Variants in FAF2 observed in about 807,000 individuals in gnomAD.
The protein encoded by FAF2 is FAS-associated factor 2.
A neutral mutation model predicts 62.3 loss-of-function variants in FAF2; 9 were observed. The ratio of observed to expected loss-of-function variants is 0.14; its 90% CI spans 0.09 to 0.25. The LOEUF is 0.25. FAF2 is among the 10% of genes least tolerant of loss of function. The pLI is 1.00. For missense variants in FAF2, 368 were observed against 556.2 expected (o/e 0.66, Z 3.40); for synonymous variants, 202 against 198.0 (o/e 1.02, Z -0.17).
intron 1 of FAF2, 53 bp from the exon 2 acceptor site, chr5:176,479,135 C>A (rs1412159468): frequency 1.4e-6 from 2 of 1,404,032 alleles, no homozygotes; most frequent in Non-Finnish European, 2.0e-6. Context: ...AAAATACTCA[C>A]ACGTATACTG....
chr5:176,470,852 T>C (rs1474031317), intron 1 of FAF2, among the ~76,000 whole-genome samples: 1 of 152,222 alleles, frequency 6.6e-6, no homozygotes, highest in Non-Finnish European at 1.5e-5. Flanking sequence ...TGTTTTTACC[T>C]TCATCTGGCA....
At chr5:176,473,438 C>T (rs1026184417) in intron 1 of FAF2, among the ~76,000 whole-genome samples, 3 of 152,190 alleles carry the variant, frequency 2.0e-5, no homozygotes, top group Non-Finnish European at 4.4e-5. Flanking sequence ...TGCTTTATCA[C>T]TGTCGATGTT....
chr5:176,475,747 G>A (rs1475249139), intron 1 of FAF2, among the ~76,000 whole-genome samples: 1 of 151,242 alleles, frequency 6.6e-6, no homozygotes, highest in African/African-American at 2.4e-5. Flanking sequence ...CAGCCTGGGG[G>A]ACAAGAGCGA....
intron 8 of FAF2, 116 bp from the exon 9 acceptor site, chr5:176,498,798 C>A: frequency 1.0e-6 from 1 of 988,096 alleles, no homozygotes; most frequent in Non-Finnish European, 1.4e-6. Flanking sequence ...AAATCGTCAT[C>A]TGCTAAGAAT....
intron 1 of FAF2, among the ~76,000 whole-genome samples, chr5:176,451,650 T>C (rs1758171483): frequency 6.7e-6 from 1 of 148,952 alleles, no homozygotes; most frequent in South Asian, 2.1e-4. Flanking sequence ...TAGAAATTTA[T>C]ATCCACAACC....
intron 2 of FAF2, among the ~76,000 whole-genome samples, chr5:176,482,320 TA>T (rs1463224078): frequency 6.6e-6 from 1 of 150,636 alleles, no homozygotes; most frequent in African/African-American, 2.4e-5. Context: ...CAGGTTCAAA[TA>T]ATTTTCCTGC....
chr5:176,481,581 C>G, intron 2 of FAF2, among the ~76,000 whole-genome samples: 1 of 151,766 alleles, frequency 6.6e-6, no homozygotes, highest in South Asian at 2.1e-4. Context: ...GACGTGAACT[C>G]GGGAGGCAGA....
At chr5:176,467,279 A>G (rs1410203285) in intron 1 of FAF2, among the ~76,000 whole-genome samples, 1 of 151,880 alleles carries the variant, frequency 6.6e-6, no homozygotes, top group African/African-American at 2.4e-5. Flanking sequence ...ATTGCAGCTA[A>G]TTTGTACAAT....
intron 1 of FAF2, among the ~76,000 whole-genome samples, chr5:176,458,782 C>T (rs1758324637): frequency 6.6e-6 from 1 of 152,146 alleles, no homozygotes; most frequent in Non-Finnish European, 1.5e-5. Flanking sequence ...ACCTCATGGT[C>T]TGACTTCACT....
chr5:176,486,810 T>C (rs1021301879), intron 3 of FAF2, among the ~76,000 whole-genome samples: 1 of 152,226 alleles, frequency 6.6e-6, no homozygotes, highest in Non-Finnish European at 1.5e-5. Flanking sequence ...GGAATCTTTG[T>C]AGGAGCTTTG....
chr5:176,454,577 GAAAAAAAAAAAAAAAAAAAAAAAA>G (rs56324116), intron 1 of FAF2, among the ~76,000 whole-genome samples: 1 of 95,326 alleles, frequency 1.0e-5, no homozygotes, highest in Non-Finnish European at 2.0e-5. Flanking sequence ...GATTCTGTCT[GAAAAAAAAAAAAAAAAAAAAAAAA>G]AAAAAAAAAA....
rs1755483801 is a variant in FAF2, at chr5:176,496,389, G to A, written c.662-97G>A. On this transcript the variant is annotated intron_variant, in intron 7 of 10. Coordinates refer to ENST00000261942, the MANE Select transcript of FAF2 (RefSeq NM_014613.3). Reference sequence around the variant, plus strand: ...GATACCTCTCGTCTTCCCCAACCAGGATTAAAACAGTTCTCTCTCACTCAT... The same window carrying A: ...GATACCTCTCGTCTTCCCCAACCAGAATTAAAACAGTTCTCTCTCACTCAT... 5.1e-6 allele frequency: 5 copies of A among 974,942 alleles called. No individual in the cohort carries two copies. In the South Asian group the frequency reaches 1.2e-4, roughly 24 times the overall value. 60.4% of individuals were successfully genotyped at this position (974,942 alleles called of 1,614,324 possible).
intron 1 of FAF2, among the ~76,000 whole-genome samples, chr5:176,466,931 C>G (rs1321364131): frequency 2.0e-5 from 3 of 150,928 alleles, no homozygotes; most frequent in Non-Finnish European, 4.4e-5. Context: ...ATGCCTTTCT[C>G]CCACTGATAC....
intron 10 of FAF2, among the ~76,000 whole-genome samples, chr5:176,505,261 C>T (rs965799804): frequency 1.3e-5 from 2 of 152,116 alleles, no homozygotes; most frequent in African/African-American, 2.4e-5. Flanking sequence ...GATGGAGAGG[C>T]CACAGAGCAG....
At chr5:176,492,463 G>A in intron 5 of FAF2, 131 bp downstream of exon 5, 2 of 1,023,070 alleles carry the variant, frequency 2.0e-6, no homozygotes, top group African/African-American at 1.7e-5. Flanking sequence ...GCTTATAGGG[G>A]TGGGTAATAA....
At chr5:176,477,481 A>G (rs1758723639) in intron 1 of FAF2, among the ~76,000 whole-genome samples, 1 of 152,104 alleles carries the variant, frequency 6.6e-6, no homozygotes, top group African/African-American at 2.4e-5. Context: ...ACTGAAAGTT[A>G]AGGGGGTCCT....
At chr5:176,496,079 C>T (rs569632758) in intron 7 of FAF2, among the ~76,000 whole-genome samples, 1 of 152,296 alleles carries the variant, frequency 6.6e-6, no homozygotes, top group Admixed American at 6.5e-5. Flanking sequence ...CTGCAGCCTT[C>T]CCTGGCATCA....
rs1259394495 is a variant in FAF2 at position 176,448,479 on chromosome 5, G to T, written c.63+9G>T. 2 of 1,590,918 alleles carry T rather than the reference G, an allele frequency of 1.3e-6. No individual in the cohort carries two copies. The highest frequency in any genetic ancestry group is 1.7e-6 in the Non-Finnish European group (2 of 1,169,034). On this transcript the variant is annotated intron_variant, in intron 1 of 10. Coordinates refer to ENST00000261942, the MANE Select transcript of FAF2 (RefSeq NM_014613.3). Reference sequence around the variant, plus strand: ...AGCTGCTGCAGTTTCAGGTAGCAGCGAGTACTCGGTGCAGCAGATGCCTCC... The same window carrying T: ...AGCTGCTGCAGTTTCAGGTAGCAGCTAGTACTCGGTGCAGCAGATGCCTCC...
At chr5:176,502,324 T>C (rs1755606856) in intron 10 of FAF2, among the ~76,000 whole-genome samples, 1 of 152,160 alleles carries the variant, frequency 6.6e-6, no homozygotes, top group African/African-American at 2.4e-5. Flanking sequence ...CTCACGCCTA[T>C]AATCCCAGCA....
Sources: gnomAD v4.1 joint callset for allele counts (sites outside exome capture counted in the v4.1 genomes callset) on GRCh38, gnomAD v4.1.1 for gene constraint, MANE v1.5 for transcripts, NCBI Gene and HGNC (gene_info 2026-07-23, HGNC 2026-07-21) for gene names.